The following MID1 variants were observed in gnomAD, a reference collection of about 807,000 sequenced individuals.
The protein encoded by MID1 is midline 1, also known as E3 ubiquitin-protein ligase Midline-1.
A neutral mutation model predicts 40.4 loss-of-function variants in MID1; 7 were observed. That is an observed-to-expected ratio of 0.17 (90% CI 0.10 to 0.33). The LOEUF (loss-of-function observed/expected upper bound fraction) is 0.33. Among genes scored for constraint, MID1 ranks in the 10% least tolerant of loss-of-function variants. The pLI is 1.00. For synonymous variants in MID1, 229 were observed against 221.2 expected, an observed-to-expected ratio of 1.04 and a Z score of -0.31; for missense variants, 367 against 558.5, an observed-to-expected ratio of 0.66 and a Z score of 3.46.
At chrX:10,692,145 C>G (rs747389615) in intron 1 of MID1, among the ~76,000 whole-genome samples, 17 of 111,688 alleles carry the variant, frequency 1.5e-4, no homozygotes, top group Admixed American at 5.7e-4. Context: ...GCATTGTGAT[C>G]TTTTATTGCC....
intron 2 of MID1, among the ~76,000 whole-genome samples, chrX:10,524,603 T>G (rs1932795340): frequency 8.9e-6 from 1 of 112,388 alleles, no homozygotes; most frequent in African/African-American, 3.2e-5. Context: ...CAAGTACTTA[T>G]TAAGCTTCTA....
In MID1 at chrX:10,567,110, C is replaced by T. The variant is rs779090894; in HGVS notation, c.438G>A (p.Leu146=). ...GCTTCTTATTCGGGTGAGTGGCTTT[C>T]AGGCACTCGTCACAGTAGGATACTT... ...TCEVSYCDEC[L]KATHPNKKPF... Residue 146 remains leucine (L), a synonymous_variant, in exon 2 of 10, where the codon CTG becomes CTA. Transcript: ENST00000317552. The T allele has an allele frequency of 5.8e-6, 7 of 1,209,404 alleles. No individual in the cohort carries two copies. In the African/African-American group the frequency reaches 1.1e-4, roughly 18 times the overall value.
chrX:10,547,004 T>G (rs1933706183), intron 2 of MID1, among the ~76,000 whole-genome samples: 1 of 112,431 alleles, frequency 8.9e-6, no homozygotes, highest in African/African-American at 3.2e-5. Flanking sequence ...ATTGAAAGTT[T>G]TGGGGGCCAG....
Position 10,730,723 on chromosome X carries a change from C to T in MID1, c.-187+102831G>A, listed in dbSNP as rs182827160. On this transcript the variant is annotated intron_variant, in intron 1 of 10. Transcript: ENST00000380785. The stretch of plus-strand genomic sequence containing the variant: ...AGTAGCTGGGACTACAGGCGCCCGC[C>T]ACCACGCCCGGCTAATTTTTTGTAT... Among the ~76,000 whole-genome samples the T allele has an allele frequency of 6.1e-3, 665 of 109,718 alleles. 10 individuals carry two copies. Among genetic ancestry groups the T allele is most frequent in the African/African-American group, 0.021 (624 of 30,128 alleles).
At chrX:10,669,329 A>T (rs1018186051) in intron 1 of MID1, among the ~76,000 whole-genome samples, 4 of 110,662 alleles carry the variant, frequency 3.6e-5, no homozygotes, top group African/African-American at 1.3e-4. Context: ...TCAACATCAT[A>T]GTCAGTTCTC....
chrX:10,484,407 C>T (rs1270050400), intron 4 of MID1, among the ~76,000 whole-genome samples: 1 of 111,938 alleles, frequency 8.9e-6, no homozygotes, highest in Non-Finnish European at 1.9e-5. Context: ...ATTTCAAATG[C>T]GATGATGCTT....
rs769409843 is a variant in MID1, at chrX:10,635,105, C to T, written c.-186-14686G>A. The stretch of plus-strand genomic sequence containing the variant: ...TAAGGTATTACTCATGGGCAAATGG[C>T]TTCTGGTACTCTCCTTAGTAGGGGC... On this transcript the variant is annotated intron_variant, in intron 1 of 10. Transcript: ENST00000380785. 2.7e-5 allele frequency among the ~76,000 whole-genome samples: 3 copies of T among 112,264 alleles called. No individual in the cohort carries two copies. In the East Asian group the frequency reaches 8.4e-4, roughly 31 times the overall value.
At chrX:10,779,433 A>G (rs1187308225) in intron 1 of MID1, among the ~76,000 whole-genome samples, 2 of 112,021 alleles carry the variant, frequency 1.8e-5, no homozygotes, top group African/African-American at 3.2e-5. Context: ...TTGGCCTCCC[A>G]AAGTGCTGGG....
intron 1 of MID1, among the ~76,000 whole-genome samples, chrX:10,685,877 T>TACACAC (rs56245034): frequency 0.069 from 5,534 of 80,384 alleles, 188 homozygotes; most frequent in Middle Eastern, 0.088. Context: ...CACATACTCA[T>TACACAC]ACACACACAC....
intron 1 of MID1, among the ~76,000 whole-genome samples, chrX:10,716,691 G>A (rs2043306288): frequency 9.0e-6 from 1 of 110,978 alleles, no homozygotes; most frequent in Non-Finnish European, 1.9e-5. Flanking sequence ...GAAATACAGA[G>A]AATGCCACAA....
intron 1 of MID1, among the ~76,000 whole-genome samples, chrX:10,733,204 G>C (rs1455821246): frequency 9.0e-6 from 1 of 111,424 alleles, no homozygotes; most frequent in Non-Finnish European, 1.9e-5. Context: ...AACTAAATGG[G>C]GAAAAGAATC....
In MID1 at chrX:10,549,170, C is replaced by G. The variant is rs553710336; in HGVS notation, c.660+17718G>C. Among the ~76,000 whole-genome samples the G allele has an allele frequency of 3.4e-4, 38 of 112,715 alleles. No individual in the cohort carries two copies. In the Middle Eastern group the frequency reaches 0.014, roughly 41 times the overall value. On this transcript the variant is annotated intron_variant, in intron 2 of 9. Coordinates refer to ENST00000317552, the MANE Select transcript of MID1 (RefSeq NM_000381.4). ...AAATACCATCAAAATGCAGACCTCT[C>G]ATAAAGACACAGATAATGAAAATTT... is the stretch of plus-strand genomic sequence containing the variant.
intron 1 of MID1, among the ~76,000 whole-genome samples, chrX:10,637,881 G>A (rs1303378630): frequency 8.9e-6 from 1 of 111,787 alleles, no homozygotes; most frequent in Middle Eastern, 4.6e-3. Context: ...CATAACAGGG[G>A]AGGCTGGGGG....
chrX:10,576,176 CTT>C (rs1375230133), intron 1 of MID1, among the ~76,000 whole-genome samples: 2 of 111,325 alleles, frequency 1.8e-5, no homozygotes, highest in East Asian at 5.6e-4. Flanking sequence ...CCAGGGAAGA[CTT>C]TTAATTTCGC....
intron 2 of MID1, among the ~76,000 whole-genome samples, chrX:10,550,498 G>A (rs937954460): frequency 2.7e-5 from 3 of 111,792 alleles, no homozygotes; most frequent in African/African-American, 9.8e-5. Flanking sequence ...CTCTGGGGCT[G>A]CTTCCAGGCT....
intron 1 of MID1, among the ~76,000 whole-genome samples, chrX:10,714,546 G>A (rs998228258): frequency 8.9e-6 from 1 of 112,689 alleles, no homozygotes; most frequent in Non-Finnish European, 1.9e-5. Context: ...TTTAAAATTC[G>A]TGTGAGATCT....
chrX:10,763,959 G>A (rs1329166323), intron 1 of MID1, among the ~76,000 whole-genome samples: 33 of 112,062 alleles, frequency 2.9e-4, no homozygotes, highest in African/African-American at 1.0e-3. Flanking sequence ...CTGCATAAAT[G>A]TCTTCTTTTG....
chrX:10,660,902 A>G (rs1160628391), intron 1 of MID1, among the ~76,000 whole-genome samples: 1 of 112,247 alleles, frequency 8.9e-6, no homozygotes, highest in Non-Finnish European at 1.9e-5. Flanking sequence ...GTTGTTTGAA[A>G]GCGACACAGA....
intron 2 of MID1, among the ~76,000 whole-genome samples, chrX:10,526,451 G>A (rs1390151631): frequency 9.0e-6 from 1 of 111,416 alleles, no homozygotes; most frequent in Admixed American, 9.5e-5. Context: ...CCATTATAAC[G>A]TATATTTGTC....
Sources: gnomAD v4.1 joint callset for allele counts (sites outside exome capture counted in the v4.1 genomes callset) on GRCh38, gnomAD v4.1.1 for gene constraint, MANE v1.5 for transcripts, NCBI Gene and HGNC (gene_info 2026-07-23, HGNC 2026-07-21) for gene names.